Variants in BRD8 observed in about 807,000 individuals in gnomAD.
BRD8 encodes bromodomain containing 8.
In BRD8, 67 loss-of-function variants were observed where a neutral mutation model predicts 143.1. That is an observed-to-expected ratio of 0.47 (90% CI 0.38 to 0.57). BRD8 has a LOEUF of 0.57. BRD8 is among the 20% of genes least tolerant of loss of function. The pLI, the probability that BRD8 is intolerant of heterozygous loss-of-function variation, is 0.00. For missense variants in BRD8, 1,103 were observed against 1,503.0 expected (o/e 0.73, Z 4.40); for synonymous variants, 505 against 517.1 (o/e 0.98, Z 0.32).
intron 22 of BRD8, among the ~76,000 whole-genome samples, chr5:138,150,050 C>T (rs1581408857): frequency 6.6e-6 from 1 of 152,070 alleles, no homozygotes; most frequent in Non-Finnish European, 1.5e-5. Flanking sequence ...GCCCAATTCT[C>T]ATTGGATTCT....
Position 138,172,269 on chromosome 5 carries a change from A to G in BRD8, c.117-135T>C. On this transcript the variant is annotated intron_variant, in intron 2 of 26. Coordinates refer to ENST00000254900, the MANE Select transcript of BRD8 (RefSeq NM_139199.2). ...GCCAGGCGCGGTGGCTCACGCCTGT[A>G]ATCCCAGCACTTTGGGAGGCCAAGA... The G allele has an allele frequency of 6.4e-6, 4 of 622,538 alleles. No individual in the cohort carries two copies. The South Asian group carries it at 7.3e-5, about 11-fold the overall frequency. 38.6% of individuals were successfully genotyped at this position (622,538 alleles called of 1,614,324 possible). A position where few individuals can be genotyped will look rare whatever the true frequency, so the allele number is the denominator to read the frequency against.
intron 2 of BRD8, chr5:138,172,756 G>T (rs1308763875): frequency 2.3e-6 from 1 of 437,724 alleles, no homozygotes; most frequent in Non-Finnish European, 4.5e-6. Flanking sequence ...GGCAGCTGAG[G>T]TAGGAGGATC....
intron 23 of BRD8, among the ~76,000 whole-genome samples, chr5:138,146,862 T>C (rs1752172275): frequency 6.8e-6 from 1 of 147,482 alleles, no homozygotes; most frequent in African/African-American, 2.5e-5. Context: ...CCCAGCTACT[T>C]GGGAGGCTGA....
intron 25 of BRD8, among the ~76,000 whole-genome samples, chr5:138,143,556 G>A (rs954322909): frequency 2.0e-5 from 3 of 152,172 alleles, no homozygotes; most frequent in Non-Finnish European, 2.9e-5. Context: ...GGTTGGGTGG[G>A]ACTTGGAGAA....
chr5:138,163,256 T>C lies in BRD8; in HGVS notation c.1961A>G (p.Tyr654Cys), dbSNP rs750612847. ...EPKEEDQGEG[Y>C]LSEMDNEPPV... ...AGGTTCATTATCCATTTCTGACAAGTAGCCTTCTCCTTGATCCTCTTCCTT... is the reference window on the plus strand; with the variant it reads ...AGGTTCATTATCCATTTCTGACAAGCAGCCTTCTCCTTGATCCTCTTCCTT... Residue 654 changes from tyrosine to cysteine, a missense_variant, in exon 15 of 27, where the codon TAC becomes TGC. By Grantham distance (194) the Tyr-to-Cys change is radical. Around this residue, in one of 7 missense-constraint regions of BRD8, gnomAD observed 75 missense variants for 111.7 expected, o/e 0.67. Transcript: ENST00000254900. 1 of 1,614,156 alleles carries C rather than the reference T, an allele frequency of 6.2e-7. No homozygotes were observed.
Position 138,161,793 on chromosome 5 carries a change from C to T in BRD8, c.2249+3G>A, listed in dbSNP as rs1226143871. 1.9e-6 allele frequency: 3 copies of T among 1,611,938 alleles called. No homozygotes were observed. The highest frequency in any genetic ancestry group is 8.5e-7 in the Non-Finnish European group (1 of 1,178,584). On this transcript the variant is annotated splice_donor_region_variant and intron_variant, in intron 17 of 26. Coordinates refer to ENST00000254900, the MANE Select transcript of BRD8 (RefSeq NM_139199.2). The stretch of plus-strand genomic sequence containing the variant: ...TTACCATGCTGGGTGGACCATGGCT[C>T]ACCTCTGCACAATGCTGTGGTAGCC...
intron 23 of BRD8, among the ~76,000 whole-genome samples, chr5:138,147,492 G>T (rs1186990899): frequency 6.6e-6 from 1 of 151,614 alleles, no homozygotes; most frequent in Admixed American, 6.6e-5. Context: ...GCTGGAAAAA[G>T]AACAATTTAT....
intron 8 of BRD8, 47 bp downstream of exon 8, chr5:138,169,167 CTGCCGGCT>C: frequency 6.3e-7 from 1 of 1,586,164 alleles, no homozygotes; most frequent in South Asian, 1.1e-5. Context: ...TCGCTCAGCT[CTGCCGGCT>C]TATTGCCCCT....
rs553747129 is a variant in BRD8 at position 138,156,891 on chromosome 5, T to C, written c.2577+2664A>G. Reference sequence around the variant, plus strand: ...ACAGAACAAGCCAAAGGCTAGTTTTTTTTTTCAGTTTATTGTATACACACA... The same window carrying C: ...ACAGAACAAGCCAAAGGCTAGTTTTCTTTTTCAGTTTATTGTATACACACA... On this transcript the variant is annotated intron_variant, in intron 20 of 26. Coordinates refer to ENST00000254900, the MANE Select transcript of BRD8 (RefSeq NM_139199.2). 13 of 1,105,080 alleles carry C rather than the reference T, an allele frequency of 1.2e-5. No homozygotes were observed. In the East Asian group the frequency reaches 7.2e-4, roughly 61 times the overall value. 68.5% of individuals were successfully genotyped at this position (1,105,080 alleles called of 1,614,324 possible). A position where few individuals can be genotyped will look rare whatever the true frequency, so the allele number is the denominator to read the frequency against.
At chr5:138,172,521 C>CAAAAA (rs10547758) in intron 2 of BRD8, among the ~76,000 whole-genome samples, 11 of 24,682 alleles carry the variant, frequency 4.5e-4, no homozygotes, top group Admixed American at 1.4e-3. Flanking sequence ...GACTCCATCT[C>CAAAAA]AAAAAAAAAA....
chr5:138,149,613 C>T, intron 23 of BRD8, 27 bp downstream of exon 23: 1 of 1,548,512 alleles, frequency 6.5e-7, no homozygotes, highest in South Asian at 1.3e-5. Flanking sequence ...CGAATCTTAA[C>T]AAACTTGGAT....
intron 14 of BRD8, 53 bp from the exon 15 acceptor site, chr5:138,163,397 G>A: frequency 1.3e-6 from 2 of 1,583,786 alleles, no homozygotes; most frequent in South Asian, 1.1e-5. Context: ...ATCCAGCAAA[G>A]CATCATTAAA....
chr5:138,149,863 CAT>C, intron 22 of BRD8, 66 bp from the exon 23 acceptor site: 1 of 1,482,376 alleles, frequency 6.7e-7, no homozygotes, highest in Non-Finnish European at 9.0e-7. Flanking sequence ...ATTTTACTTG[CAT>C]AGAGTAAATG....
In BRD8 at chr5:138,177,680, G is replaced by GGAGAA. The variant is rs1554104838; in HGVS notation, c.20-14_20-13insTTCTC. ...AGCAGCTTGTGTTCTGGGAAAGGGAGAAAAAAAAAAAAGCCTTGGAAACAA... is the reference window on the plus strand; with the variant it reads ...AGCAGCTTGTGTTCTGGGAAAGGGAGGAGAAAAAAAAAAAAAAGCCTTGGAAACAA... On this transcript the variant is annotated splice_polypyrimidine_tract_variant and intron_variant, in intron 1 of 26. Transcript: ENST00000254900. The GGAGAA allele has an allele frequency of 1.0e-5, 12 of 1,202,534 alleles. No homozygotes were observed. The East Asian group carries it at 3.0e-4, about 30-fold the overall frequency. The allele number at this position is 1,202,534 out of a possible 1,614,324, so 74.5% of individuals were successfully genotyped here.
At chr5:138,175,889 G>C (rs1357679025) in intron 2 of BRD8, among the ~76,000 whole-genome samples, 1 of 143,102 alleles carries the variant, frequency 7.0e-6, no homozygotes, top group African/African-American at 2.6e-5. Flanking sequence ...ACTCCAGCCT[G>C]GGTGACAGTG....
chr5:138,178,591 C>G lies in BRD8; in HGVS notation c.19+5G>C. 1.2e-6 allele frequency: 2 copies of G among 1,613,668 alleles called. No individual in the cohort carries two copies. The highest frequency in any genetic ancestry group is 1.7e-6 in the Non-Finnish European group (2 of 1,179,598). ...CTTTCACGCAAAACCTGCTCAGATA[C>G]TCACTGCCCGTTCCCGTCGCCATCT... On this transcript the variant is annotated splice_donor_5th_base_variant and intron_variant, in intron 1 of 26. Coordinates refer to ENST00000254900, the MANE Select transcript of BRD8 (RefSeq NM_139199.2).
chr5:138,165,908 T>C lies in BRD8; in HGVS notation c.1198A>G (p.Met400Val), dbSNP rs1753379018. 10 of 1,614,170 alleles carry C rather than the reference T, an allele frequency of 6.2e-6. No homozygotes were observed. Among genetic ancestry groups the C allele is most frequent in the Non-Finnish European group, 8.5e-6 (10 of 1,180,016 alleles). Residue 400 changes from methionine (M) to valine (V), a missense_variant, in exon 11 of 27, where the codon ATG becomes GTG. Met to Val is a conservative substitution (Grantham distance 21, BLOSUM62 1). Transcript: ENST00000254900. ...GKEELDLAEK[M>V]DIAVSYTGEE... ...CCTGTGTAAGACACAGCAATATCCA[T>C]CTTCTCAGCCAGATCTAATTCTTCC...
At chr5:138,160,262 G>T in intron 18 of BRD8, 89 bp from the exon 19 acceptor site, 1 of 860,186 alleles carries the variant, frequency 1.2e-6, no homozygotes, top group South Asian at 1.4e-5. Flanking sequence ...ATAGAACTTT[G>T]TATAGTACTC....
In BRD8 at chr5:138,161,691, C is replaced by G. The variant is rs1408441586; in HGVS notation, c.2249+105G>C. On this transcript the variant is annotated intron_variant, in intron 17 of 26. Transcript: ENST00000254900. ...GCACTCAGTGCCCCTTATAGCAAAA[C>G]CATAAACTTACTTGCTTTAAACTTT... 3 of 1,175,772 alleles carry G rather than the reference C, an allele frequency of 2.6e-6. No homozygotes were observed. In the East Asian group the frequency reaches 7.5e-5, roughly 29 times the overall value. The allele number at this position is 1,175,772 out of a possible 1,614,324, so 72.8% of individuals were successfully genotyped here.
Sources: allele counts gnomAD v4.1 joint callset (sites outside exome capture counted in the v4.1 genomes callset), GRCh38; gene constraint gnomAD v4.1.1; regional missense constraint gnomAD v4.1.1; transcripts MANE v1.5; gene names NCBI Gene and HGNC (gene_info 2026-07-23, HGNC 2026-07-21).